FOXP1: variants seen among roughly 807,000 people sequenced by gnomAD.
FOXP1 encodes the protein forkhead box P1, also known as forkhead box protein P1.
In FOXP1, 15 loss-of-function variants were observed where a neutral mutation model predicts 98.2. The observed-to-expected ratio is 0.15, with a 90% CI of 0.10 to 0.24. The LOEUF (loss-of-function observed/expected upper bound fraction) is 0.24, where lower values mean the gene tolerates loss of function less well. Ranked by LOEUF, FOXP1 falls within the 10% of genes least tolerant of loss-of-function variation. The pLI, the probability that FOXP1 is intolerant of heterozygous loss-of-function variation, is 1.00. For missense variants in FOXP1, 633 were observed against 848.5 expected, an observed-to-expected ratio of 0.75 and a Z score of 3.15; for synonymous variants, 371 against 314.5, an observed-to-expected ratio of 1.18 and a Z score of -1.90.
intron 6 of FOXP1, among the ~76,000 whole-genome samples, chr3:71,147,749 A>C (rs1358832241): frequency 6.6e-6 from 1 of 152,210 alleles, no homozygotes; most frequent in Non-Finnish European, 1.5e-5. Flanking sequence ...GATCATACCA[A>C]GGTAGGGAGG....
chr3:71,432,720 C>T (rs943115573), intron 3 of FOXP1, among the ~76,000 whole-genome samples: 2 of 152,048 alleles, frequency 1.3e-5, no homozygotes, highest in African/African-American at 4.8e-5. Context: ...CCTATCCCCC[C>T]CATCCAAAGA....
In FOXP1 at chr3:71,454,091, C is replaced by A. The variant is rs564253628; in HGVS notation, c.-168+39335G>T. On this transcript the variant is annotated intron_variant, in intron 3 of 20. Coordinates refer to ENST00000649528, the MANE Select transcript of FOXP1 (RefSeq NM_001349338.3). ...GCTAGATTGTTACTTCTCTTACCACCCTCTGCACCCCTTTGTAAGATGTCC... is the reference window on the plus strand; with the variant it reads ...GCTAGATTGTTACTTCTCTTACCACACTCTGCACCCCTTTGTAAGATGTCC... Among the ~76,000 whole-genome samples the A allele has an allele frequency of 2.3e-3, 348 of 152,252 alleles. 2 individuals carry two copies. Among genetic ancestry groups the A allele is most frequent in the Non-Finnish European group, 4.3e-3 (293 of 68,018 alleles).
chr3:71,259,641 T>TAATG (rs1377447479), intron 5 of FOXP1, among the ~76,000 whole-genome samples: 1 of 152,050 alleles, frequency 6.6e-6, no homozygotes, highest in Non-Finnish European at 1.5e-5. Flanking sequence ...TTGTGATGAG[T>TAATG]AATGATAAGA....
intron 2 of FOXP1, among the ~76,000 whole-genome samples, chr3:71,536,014 T>C (rs2044263841): frequency 6.6e-6 from 1 of 152,144 alleles, no homozygotes; most frequent in Admixed American, 6.5e-5. Flanking sequence ...GGGGCAGTCC[T>C]GAGAGGCCAT....
intron 3 of FOXP1, among the ~76,000 whole-genome samples, chr3:71,457,610 C>T (rs1157788226): frequency 6.6e-6 from 1 of 152,114 alleles, no homozygotes; most frequent in Non-Finnish European, 1.5e-5. Flanking sequence ...TTTGCAGATT[C>T]GCATTTAGTG....
intron 3 of FOXP1, among the ~76,000 whole-genome samples, chr3:71,359,816 GTCT>G (rs1313500712): frequency 1.3e-5 from 2 of 152,098 alleles, no homozygotes; most frequent in Non-Finnish European, 1.5e-5. Flanking sequence ...TCCAGACACA[GTCT>G]TCTTCTATCT....
In FOXP1 at chr3:71,540,975, C is replaced by T. The variant is rs148969532; in HGVS notation, c.-298+40574G>A. Among the ~76,000 whole-genome samples, 592 of 152,304 alleles carry T rather than the reference C, an allele frequency of 3.9e-3. 2 individuals carry two copies. The highest frequency in any genetic ancestry group is 0.01 in the Middle Eastern group (3 of 294). ...GGTTACAAATATCTTGCCATTAAAA[C>T]CCCACAAACCATGAAGCCTGAGATT... On this transcript the variant is annotated intron_variant, in intron 2 of 20. Coordinates refer to ENST00000649528, the MANE Select transcript of FOXP1 (RefSeq NM_001349338.3).
chr3:71,047,988 T>C (rs2107001781), intron 9 of FOXP1, among the ~76,000 whole-genome samples: 1 of 152,238 alleles, frequency 6.6e-6, no homozygotes, highest in East Asian at 1.9e-4. Flanking sequence ...ATTATCTGAG[T>C]GATAGAAAGA....
intron 3 of FOXP1, among the ~76,000 whole-genome samples, chr3:71,458,348 C>T (rs1353704610): frequency 6.6e-6 from 1 of 152,160 alleles, no homozygotes. Context: ...TATACATGTC[C>T]ACATACACAC....
At chr3:71,416,012 T>C (rs1560454448) in intron 3 of FOXP1, among the ~76,000 whole-genome samples, 2 of 152,218 alleles carry the variant, frequency 1.3e-5, no homozygotes, top group African/African-American at 4.8e-5. Context: ...CTACTATCAA[T>C]CACCATTTGC....
intron 2 of FOXP1, among the ~76,000 whole-genome samples, chr3:71,556,275 C>A (rs1437978270): frequency 6.6e-6 from 1 of 152,048 alleles, no homozygotes; most frequent in East Asian, 1.9e-4. Flanking sequence ...GAATTCTATA[C>A]CATCTTTCAC....
chr3:71,091,481 C>T (rs2055836712), intron 7 of FOXP1, among the ~76,000 whole-genome samples: 1 of 149,456 alleles, frequency 6.7e-6, no homozygotes. Context: ...CAGAGCAAGA[C>T]TCCGTCTCAA....
chr3:71,273,506 C>T (rs2070592347), intron 5 of FOXP1, among the ~76,000 whole-genome samples: 1 of 152,206 alleles, frequency 6.6e-6, no homozygotes, highest in Admixed American at 6.5e-5. Flanking sequence ...TTTTCTAGCA[C>T]AAAAGTTGGC....
At chr3:70,998,949 G>A (rs1559679395) in intron 13 of FOXP1, among the ~76,000 whole-genome samples, 1 of 152,122 alleles carries the variant, frequency 6.6e-6, no homozygotes, top group Non-Finnish European at 1.5e-5. Context: ...ACGGCTACCC[G>A]ACAAACCATG....
rs748443989 is a variant in FOXP1, at chr3:70,959,270, G to T, written c.2011C>A (p.Pro671Thr). Reference sequence around the variant, plus strand: ...AGTCACTCCATGTCCTCGTTTACTGGTTCATCTTCGTAATCTCTGTCATGG... The same window carrying T: ...AGTCACTCCATGTCCTCGTTTACTGTTTCATCTTCGTAATCTCTGTCATGG... ...FDHDRDYEDE[P>T]VNEDME The change falls in exon 21 of 21, where the codon CCA becomes ACA. Residue 671 changes from proline to threonine, a missense_variant. This residue lies in a region of FOXP1 where 150 missense variants were observed against 163.7 expected (regional missense o/e 0.92). Coordinates refer to ENST00000649528, the MANE Select transcript of FOXP1 (RefSeq NM_001349338.3). 6.2e-7 allele frequency: 1 copy of T among 1,613,726 alleles called. No homozygotes were observed. The highest frequency in any genetic ancestry group is 8.5e-7 in the Non-Finnish European group (1 of 1,179,998).
chr3:71,582,442 G>A (rs1379402177), intron 1 of FOXP1: 3 of 985,246 alleles, frequency 3.0e-6, no homozygotes, highest in African/African-American at 1.7e-5. Context: ...CCAGGGAGTC[G>A]TCTCGGCGGG....
intron 5 of FOXP1, among the ~76,000 whole-genome samples, chr3:71,226,971 C>T (rs553929995): frequency 2.0e-5 from 3 of 152,244 alleles, no homozygotes; most frequent in East Asian, 1.9e-4. Flanking sequence ...GCGCACAGGA[C>T]GACTCTGGTT....
At chr3:71,283,259 G>A (rs1035365987) in intron 5 of FOXP1, among the ~76,000 whole-genome samples, 25 of 152,324 alleles carry the variant, frequency 1.6e-4, no homozygotes, top group Admixed American at 1.4e-3. Context: ...GAGAGGGGCT[G>A]TAATTCCCAG....
intron 6 of FOXP1, among the ~76,000 whole-genome samples, chr3:71,186,037 T>C (rs1257180950): frequency 1.3e-5 from 2 of 152,260 alleles, no homozygotes; most frequent in Non-Finnish European, 2.9e-5. Flanking sequence ...GAACTTTTCA[T>C]GTTATCTGTT....
Sources: allele counts gnomAD v4.1 joint callset (sites outside exome capture counted in the v4.1 genomes callset), GRCh38; gene constraint gnomAD v4.1.1; regional missense constraint gnomAD v4.1.1; transcripts MANE v1.5; gene names NCBI Gene and HGNC (gene_info 2026-07-23, HGNC 2026-07-21).